Variants in NDST4 observed in about 807,000 individuals in gnomAD.
The protein encoded by NDST4 is N-deacetylase and N-sulfotransferase 4, also known as N-heparan sulfate sulfotransferase 4.
In NDST4, 63 loss-of-function variants were observed where a neutral mutation model predicts 100.8. The observed-to-expected ratio is 0.62, with a 90% CI of 0.51 to 0.77. NDST4 has a LOEUF of 0.77. Ranked by LOEUF, NDST4 falls within the 30% of genes least tolerant of loss-of-function variation. NDST4 has a pLI of 0.00. For synonymous variants in NDST4, 377 were observed against 361.8 expected, an observed-to-expected ratio of 1.04 and a Z score of -0.48; for missense variants, 943 against 1,018.4, an observed-to-expected ratio of 0.93 and a Z score of 1.01.
At chr4:115,003,257 A>G (rs1219734501) in intron 2 of NDST4, among the ~76,000 whole-genome samples, 1 of 152,198 alleles carries the variant, frequency 6.6e-6, no homozygotes, top group African/African-American at 2.4e-5. Flanking sequence ...AGAAGAAGAA[A>G]AAAGAATTCT....
intron 2 of NDST4, among the ~76,000 whole-genome samples, chr4:115,015,374 G>C (rs1727652406): frequency 6.6e-6 from 1 of 152,074 alleles, no homozygotes; most frequent in Admixed American, 6.6e-5. Context: ...AAAGATAGTG[G>C]TGAAGAGAAA....
intron 4 of NDST4, among the ~76,000 whole-genome samples, chr4:114,961,886 A>T (rs1248069175): frequency 1.3e-5 from 2 of 152,196 alleles, no homozygotes; most frequent in Admixed American, 6.5e-5. Flanking sequence ...ATGTCTAAAG[A>T]AAAAGAAATG....
At chr4:114,906,712 T>C (rs991102479) in intron 6 of NDST4, among the ~76,000 whole-genome samples, 1 of 152,038 alleles carries the variant, frequency 6.6e-6, no homozygotes, top group Non-Finnish European at 1.5e-5. Context: ...TCTACATAAA[T>C]ATCATTATAA....
chr4:115,013,534 A>G (rs1003975992), intron 2 of NDST4, among the ~76,000 whole-genome samples: 2 of 151,740 alleles, frequency 1.3e-5, no homozygotes, highest in African/African-American at 2.4e-5. Context: ...TAGGGACTAT[A>G]GAGACTGACT....
chr4:114,945,046 C>A (rs374053131), intron 4 of NDST4, among the ~76,000 whole-genome samples: 1 of 151,824 alleles, frequency 6.6e-6, no homozygotes, highest in Non-Finnish European at 1.5e-5. Flanking sequence ...CCTGTCTCTA[C>A]TAAAAATACA....
At chr4:114,940,668 C>T (rs915210571) in intron 4 of NDST4, among the ~76,000 whole-genome samples, 1 of 152,062 alleles carries the variant, frequency 6.6e-6, no homozygotes. Flanking sequence ...CAGGTGACAG[C>T]CTTTTGCACC....
At chr4:114,897,456 CA>C (rs1390596595) in intron 6 of NDST4, among the ~76,000 whole-genome samples, 20 of 152,260 alleles carry the variant, frequency 1.3e-4, no homozygotes, top group Non-Finnish European at 2.1e-4. Context: ...TTATTTACCA[CA>C]GTATATTTCA....
chr4:115,113,258 G>A (rs1729990555), intron 1 of NDST4, among the ~76,000 whole-genome samples, 186 bp downstream of exon 1: 1 of 151,702 alleles, frequency 6.6e-6, no homozygotes, highest in African/African-American at 2.4e-5. Flanking sequence ...CTTCTATAAA[G>A]CATGATGACA....
intron 1 of NDST4, among the ~76,000 whole-genome samples, chr4:115,084,496 T>C (rs1196474783): frequency 6.6e-6 from 1 of 152,170 alleles, no homozygotes; most frequent in Non-Finnish European, 1.5e-5. Flanking sequence ...GAGACCTTCA[T>C]GGTAGCCCCT....
At chr4:114,952,929 T>C (rs776509193) in intron 4 of NDST4, among the ~76,000 whole-genome samples, 1 of 152,094 alleles carries the variant, frequency 6.6e-6, no homozygotes, top group Non-Finnish European at 1.5e-5. Context: ...TCTATTCAAA[T>C]GTCATTCATT....
chr4:114,908,921 TTAAC>T (rs1293786350), intron 6 of NDST4, among the ~76,000 whole-genome samples: 27 of 151,878 alleles, frequency 1.8e-4, no homozygotes, highest in African/African-American at 6.3e-4. Context: ...ATTTGTTTAA[TTAAC>T]TAACATGAAA....
At chr4:115,037,200 A>C (rs987642591) in intron 2 of NDST4, among the ~76,000 whole-genome samples, 5 of 152,062 alleles carry the variant, frequency 3.3e-5, no homozygotes, top group Admixed American at 2.0e-4. Context: ...TGGAGAAGAG[A>C]GAGTAATCTG....
chr4:115,066,768 A>G (rs1277848514), intron 2 of NDST4, among the ~76,000 whole-genome samples: 1 of 152,148 alleles, frequency 6.6e-6, no homozygotes, highest in African/African-American at 2.4e-5. Context: ...TCCCTCCCTG[A>G]CAAGGGAGAT....
intron 1 of NDST4, among the ~76,000 whole-genome samples, chr4:115,099,860 G>A (rs1729694897): frequency 6.6e-6 from 1 of 152,088 alleles, no homozygotes; most frequent in Non-Finnish European, 1.5e-5. Flanking sequence ...TTTGCACACA[G>A]ATGTTTTATT....
At chr4:115,057,702 G>GCGCA (rs761478122) in intron 2 of NDST4, among the ~76,000 whole-genome samples, 8 of 147,252 alleles carry the variant, frequency 5.4e-5, no homozygotes, top group African/African-American at 2.0e-4. Flanking sequence ...GCGTGCGCAC[G>GCGCA]CACACACACA....
rs1729194353 is a variant in NDST4 at position 115,076,766 on chromosome 4, G to C, written c.271C>G (p.Leu91Val). The C allele has an allele frequency of 1.2e-6, 2 of 1,614,000 alleles. No individual in the cohort carries two copies. Among genetic ancestry groups the C allele is most frequent in the Non-Finnish European group, 1.7e-6 (2 of 1,179,936 alleles). ...LLFVESQYSQ[L>V]GQDIIAILES... ...AAAATAGCTATGATATCTTGACCGA[G>C]TTGAGAGTATTGGCTCTCCACGAAG... is the stretch of plus-strand genomic sequence containing the variant. The change falls in exon 2 of 14, where the codon CTC (leucine) becomes GTC (valine). Residue 91 changes from leucine to valine, a missense_variant. By Grantham distance (32) the Leu-to-Val change is conservative (BLOSUM62 1). Around this residue, in one of 2 missense-constraint regions of NDST4, gnomAD observed 417 missense variants for 384.2 expected, o/e 1.09. Coordinates refer to ENST00000264363, the MANE Select transcript of NDST4 (RefSeq NM_022569.3).
intron 2 of NDST4, among the ~76,000 whole-genome samples, chr4:115,075,112 C>T (rs72667312): frequency 0.028 from 4,260 of 152,166 alleles, 101 homozygotes; most frequent in Middle Eastern, 0.048. Context: ...CCTAGAAGTG[C>T]TACCAGTAAC....
chr4:114,834,341 C>A (rs554625499), intron 11 of NDST4, among the ~76,000 whole-genome samples: 1 of 152,064 alleles, frequency 6.6e-6, no homozygotes, highest in Non-Finnish European at 1.5e-5. Context: ...AGGTGAAACC[C>A]TGTCTCTACT....
At chr4:115,100,322 T>C (rs2126297844) in intron 1 of NDST4, among the ~76,000 whole-genome samples, 1 of 152,198 alleles carries the variant, frequency 6.6e-6, no homozygotes, top group East Asian at 1.9e-4. Context: ...CCTGATGTAA[T>C]CTGTGGACTT....
Sources: gnomAD v4.1 joint callset for allele counts (sites outside exome capture counted in the v4.1 genomes callset) on GRCh38, gnomAD v4.1.1 for gene constraint, gnomAD v4.1.1 regional missense constraint, MANE v1.5 for transcripts, NCBI Gene and HGNC (gene_info 2026-07-23, HGNC 2026-07-21) for gene names.